Variants in FSHR observed in about 807,000 individuals in gnomAD.
The protein encoded by FSHR is follicle-stimulating hormone receptor.
Under a neutral mutation model 52.1 loss-of-function variants are expected in FSHR, and 46 were observed. The ratio of observed to expected loss-of-function variants is 0.88; its 90% CI spans 0.70 to 1.13. The LOEUF (loss-of-function observed/expected upper bound fraction) is 1.13. FSHR is among the 50% of genes most tolerant of loss of function. FSHR has a pLI of 0.00. For synonymous variants in FSHR, 399 were observed against 309.6 expected (o/e 1.29, Z -3.03); for missense variants, 964 against 834.6 (o/e 1.16, Z -1.91).
intron 1 of FSHR, among the ~76,000 whole-genome samples, chr2:49,101,328 T>C (rs914826230): frequency 2.0e-5 from 3 of 150,986 alleles, no homozygotes; most frequent in Non-Finnish European, 3.0e-5. Context: ...GTTAGGAGAG[T>C]AGGGAAGTAT....
intron 1 of FSHR, among the ~76,000 whole-genome samples, chr2:49,072,990 G>A (rs1319473939): frequency 6.6e-6 from 1 of 152,014 alleles, no homozygotes; most frequent in Non-Finnish European, 1.5e-5. Context: ...AAAGGTATGT[G>A]CACATTTCCT....
chr2:48,985,104 AGAT>A (rs1559099477), intron 6 of FSHR, among the ~76,000 whole-genome samples: 8 of 150,966 alleles, frequency 5.3e-5, no homozygotes, highest in African/African-American at 2.0e-4. Context: ...TTTGAAAACC[AGAT>A]GATGACGATG....
chr2:49,073,831 G>T (rs1420422085), intron 1 of FSHR, among the ~76,000 whole-genome samples: 1 of 151,964 alleles, frequency 6.6e-6, no homozygotes, highest in Non-Finnish European at 1.5e-5. Flanking sequence ...GTATTGGCAT[G>T]AAAATAGAAA....
At position 49,134,093 on chromosome 2, in the gene FSHR, C is replaced by T. The variant is rs576662205; in HGVS notation, c.152+20173G>A. Among the ~76,000 whole-genome samples, 6 of 152,296 alleles carry T rather than the reference C, an allele frequency of 3.9e-5. No homozygotes were observed. In the South Asian group the frequency reaches 1.0e-3, roughly 26 times the overall value. On this transcript the variant is annotated intron_variant, in intron 1 of 9. Coordinates refer to ENST00000406846, the MANE Select transcript of FSHR (RefSeq NM_000145.4). The stretch of plus-strand genomic sequence containing the variant: ...GGGATCTAATTAGACTAAAGAGCTT[C>T]TGCATAGCAAAAGAAACTACCATCA...
At chr2:49,010,428 G>T (rs889574784) in intron 4 of FSHR, among the ~76,000 whole-genome samples, 3 of 152,034 alleles carry the variant, frequency 2.0e-5, no homozygotes, top group African/African-American at 4.8e-5. Context: ...GATTCAGTTT[G>T]CCAGTATTTT....
intron 2 of FSHR, among the ~76,000 whole-genome samples, chr2:49,029,696 C>A (rs1668033741): frequency 6.6e-6 from 1 of 152,150 alleles, no homozygotes; most frequent in African/African-American, 2.4e-5. Flanking sequence ...GGTCGTGCTG[C>A]TTACTATTAT....
intron 1 of FSHR, among the ~76,000 whole-genome samples, chr2:49,077,587 T>A (rs1220951663): frequency 6.6e-6 from 1 of 152,210 alleles, no homozygotes; most frequent in Non-Finnish European, 1.5e-5. Context: ...AGCTTGACTA[T>A]TTCCTCAGAA....
intron 1 of FSHR, among the ~76,000 whole-genome samples, chr2:49,072,766 A>AG (rs959724450): frequency 6.6e-6 from 1 of 152,116 alleles, no homozygotes; most frequent in Non-Finnish European, 1.5e-5. Flanking sequence ...TAGTAGCAAA[A>AG]GGTTTACTAA....
chr2:49,128,986 A>T (rs1308455028), intron 1 of FSHR, among the ~76,000 whole-genome samples: 1 of 151,654 alleles, frequency 6.6e-6, no homozygotes, highest in Admixed American at 6.6e-5. Context: ...CTAATTTCAC[A>T]TCCTCATCTT....
chr2:49,047,407 G>A (rs1226093862), intron 2 of FSHR, among the ~76,000 whole-genome samples: 1 of 152,222 alleles, frequency 6.6e-6, no homozygotes, highest in East Asian at 1.9e-4. Flanking sequence ...CAGAGAGTGA[G>A]GAGCCCATCA....
chr2:49,102,707 T>C (rs76929757), intron 1 of FSHR, among the ~76,000 whole-genome samples: 6,687 of 152,276 alleles, frequency 0.044, 485 homozygotes, highest in African/African-American at 0.15. Context: ...CATTGAAATC[T>C]AGGATGATGT....
At chr2:49,020,203 C>A in intron 2 of FSHR, 43 bp from the exon 3 acceptor site, 3 of 1,481,852 alleles carry the variant, frequency 2.0e-6, no homozygotes, top group African/African-American at 2.8e-5. Context: ...TTCAGTTACA[C>A]TCCTTGAATA....
intron 2 of FSHR, among the ~76,000 whole-genome samples, chr2:49,041,831 G>T (rs1462212184): frequency 6.6e-6 from 1 of 152,024 alleles, no homozygotes; most frequent in Non-Finnish European, 1.5e-5. Context: ...CTGAAGAAAT[G>T]GTGCAATGAT....
chr2:48,967,882 A>G (rs976907150), intron 9 of FSHR, among the ~76,000 whole-genome samples: 2 of 152,232 alleles, frequency 1.3e-5, no homozygotes, highest in Non-Finnish European at 2.9e-5. Flanking sequence ...AAGAGTAATG[A>G]AAAGACATCA....
At chr2:49,014,761 A>G (rs1667420283) in intron 4 of FSHR, 2 of 293,518 alleles carry the variant, frequency 6.8e-6, no homozygotes, top group Non-Finnish European at 1.4e-5. Flanking sequence ...CTATGTGAAG[A>G]GCTGGTTTTC....
intron 4 of FSHR, among the ~76,000 whole-genome samples, chr2:49,012,772 C>T (rs553600726): frequency 6.6e-6 from 1 of 152,052 alleles, no homozygotes; most frequent in Admixed American, 6.6e-5. Flanking sequence ...GTTCATCATC[C>T]CAAAGAATAT....
intron 1 of FSHR, among the ~76,000 whole-genome samples, chr2:49,105,809 C>G (rs1176555724): frequency 6.6e-6 from 1 of 152,108 alleles, no homozygotes; most frequent in Non-Finnish European, 1.5e-5. Context: ...ATGTTTTGAC[C>G]TCTCTCCACC....
intron 1 of FSHR, among the ~76,000 whole-genome samples, chr2:49,115,758 G>T (rs1002952538): frequency 1.3e-5 from 2 of 152,136 alleles, no homozygotes; most frequent in Admixed American, 6.5e-5. Flanking sequence ...CATTCATTTT[G>T]CTGACTGATG....
intron 1 of FSHR, among the ~76,000 whole-genome samples, chr2:49,127,139 C>A (rs1672030352): frequency 6.6e-6 from 1 of 152,056 alleles, no homozygotes; most frequent in Non-Finnish European, 1.5e-5. Context: ...ACCGGCCTGG[C>A]CAACATGGCG....
Sources: allele counts gnomAD v4.1 joint callset (sites outside exome capture counted in the v4.1 genomes callset), GRCh38; gene constraint gnomAD v4.1.1; transcripts MANE v1.5; gene names NCBI Gene and HGNC (gene_info 2026-07-23, HGNC 2026-07-21).